DOCK3: variants seen among roughly 807,000 people sequenced by gnomAD.
DOCK3 encodes dedicator of cytokinesis protein 3.
A neutral mutation model predicts 265.6 loss-of-function variants in DOCK3; 60 were observed. That is an observed-to-expected ratio of 0.23 (90% CI 0.18 to 0.28). The LOEUF is 0.28. Ranked by LOEUF, DOCK3 falls within the 10% of genes least tolerant of loss-of-function variation. DOCK3 has a pLI of 1.00. For synonymous variants in DOCK3, 881 were observed against 938.0 expected (o/e 0.94, Z 1.11); for missense variants, 1,981 against 2,594.3 (o/e 0.76, Z 5.14).
At chr3:51,306,751 A>G (rs980544158) in intron 27 of DOCK3, among the ~76,000 whole-genome samples, 1 of 152,078 alleles carries the variant, frequency 6.6e-6, no homozygotes, top group Non-Finnish European at 1.5e-5. Flanking sequence ...TATTCGGTGT[A>G]CTTTAAGTAA....
At chr3:50,692,175 C>T (rs2035295476) in intron 1 of DOCK3, among the ~76,000 whole-genome samples, 1 of 152,116 alleles carries the variant, frequency 6.6e-6, no homozygotes, top group African/African-American at 2.4e-5. Flanking sequence ...CCTCGGGGTT[C>T]CAAAACATTG....
intron 5 of DOCK3, among the ~76,000 whole-genome samples, chr3:50,943,514 A>G (rs1575585203): frequency 1.3e-5 from 2 of 152,224 alleles, no homozygotes; most frequent in African/African-American, 4.8e-5. Context: ...TGATTAAGAC[A>G]ATGTACCAAA....
intron 40 of DOCK3, among the ~76,000 whole-genome samples, chr3:51,351,085 CTTAT>C (rs1234639717): frequency 6.6e-6 from 1 of 152,180 alleles, no homozygotes; most frequent in Non-Finnish European, 1.5e-5. Flanking sequence ...TTGTGATTTT[CTTAT>C]TTATTCAGCA....
intron 14 of DOCK3, among the ~76,000 whole-genome samples, chr3:51,222,749 A>G (rs1235340082): frequency 6.6e-6 from 1 of 152,194 alleles, no homozygotes; most frequent in African/African-American, 2.4e-5. Context: ...TTTCTCAGCT[A>G]GATGATCACC....
intron 4 of DOCK3, among the ~76,000 whole-genome samples, chr3:50,925,302 C>G (rs1348641870): frequency 1.3e-5 from 2 of 152,256 alleles, no homozygotes; most frequent in East Asian, 3.9e-4. Context: ...AGATATTATT[C>G]TTGCAAGTAG....
intron 3 of DOCK3, among the ~76,000 whole-genome samples, chr3:50,886,956 GAAA>G (rs1553693943): frequency 6.6e-6 from 1 of 151,962 alleles, no homozygotes; most frequent in Non-Finnish European, 1.5e-5. Flanking sequence ...AAAAGAACTA[GAAA>G]AGCAAGAGCA....
At chr3:51,316,462 T>C (rs1440161305) in intron 32 of DOCK3, among the ~76,000 whole-genome samples, 1 of 152,250 alleles carries the variant, frequency 6.6e-6, no homozygotes, top group African/African-American at 2.4e-5. Context: ...TAAGCTTTCA[T>C]TTTTCTTGAG....
At chr3:51,020,241 C>T (rs938051106) in intron 5 of DOCK3, among the ~76,000 whole-genome samples, 15 of 141,226 alleles carry the variant, frequency 1.1e-4, no homozygotes, top group Non-Finnish European at 1.8e-4. Context: ...AGTTTTTTTT[C>T]ATGTTTGTTG....
chr3:51,376,098 A>G (rs1272388425), intron 51 of DOCK3, among the ~76,000 whole-genome samples: 1 of 152,146 alleles, frequency 6.6e-6, no homozygotes, highest in Non-Finnish European at 1.5e-5. Context: ...ACCTTTATGG[A>G]AACTTGGGCT....
At chr3:51,261,569 C>T (rs2079848540) in intron 23 of DOCK3, among the ~76,000 whole-genome samples, 1 of 152,176 alleles carries the variant, frequency 6.6e-6, no homozygotes, top group Non-Finnish European at 1.5e-5. Flanking sequence ...CAGAACCGTT[C>T]ACTCCCCTGG....
chr3:50,964,276 C>G (rs961296716), intron 5 of DOCK3, among the ~76,000 whole-genome samples: 1 of 152,140 alleles, frequency 6.6e-6, no homozygotes, highest in African/African-American at 2.4e-5. Context: ...TAGAAACACT[C>G]AGCACTTCAA....
In DOCK3 at chr3:51,359,234, G is replaced by C. The variant is rs73837436; in HGVS notation, c.4884+1157G>C. The stretch of plus-strand genomic sequence containing the variant: ...GTGTTCTTGGATGCTGCAGGTTCTG[G>C]TCATCTCCGTCCCTCCAGGCTCCCA... On this transcript the variant is annotated intron_variant, in intron 46 of 52. Coordinates refer to ENST00000266037, the MANE Select transcript of DOCK3 (RefSeq NM_004947.5). This position sits in a 1 kb window ranked among gnomAD's most constrained non-coding sequence, Gnocchi z 4.8. Among the ~76,000 whole-genome samples, 6,990 of 152,300 alleles carry C rather than the reference G, an allele frequency of 0.046. 339 individuals are homozygous for C. The highest frequency in any genetic ancestry group is 0.12 in the African/African-American group (4,834 of 41,550).
chr3:51,379,833 CAG>C (rs2088474185), intron 51 of DOCK3, among the ~76,000 whole-genome samples: 1 of 152,256 alleles, frequency 6.6e-6, no homozygotes, highest in Non-Finnish European at 1.5e-5. Context: ...CACTTCTCAC[CAG>C]ACTGTCTCAT....
chr3:51,080,305 G>C (rs139764328), intron 7 of DOCK3, among the ~76,000 whole-genome samples: 105 of 152,376 alleles, frequency 6.9e-4, no homozygotes, highest in African/African-American at 2.5e-3. Context: ...GGCAGAGGCA[G>C]TAATGTGTTC....
chr3:50,934,634 G>C (rs758822119), intron 5 of DOCK3, among the ~76,000 whole-genome samples: 2 of 152,050 alleles, frequency 1.3e-5, no homozygotes, highest in African/African-American at 4.8e-5. Flanking sequence ...TGAAACCACC[G>C]TGGGGGCCAC....
intron 5 of DOCK3, among the ~76,000 whole-genome samples, chr3:51,020,877 T>C (rs1166089014): frequency 6.6e-6 from 1 of 151,908 alleles, no homozygotes; most frequent in Non-Finnish European, 1.5e-5. Flanking sequence ...TGTAGCCCTG[T>C]AGTATAATTT....
intron 3 of DOCK3, among the ~76,000 whole-genome samples, chr3:50,855,476 G>A (rs2046543972): frequency 6.6e-6 from 1 of 152,078 alleles, no homozygotes; most frequent in African/African-American, 2.4e-5. Context: ...TGCTATTGAA[G>A]TATAGACGTG....
chr3:50,744,673 G>A (rs953216336), intron 1 of DOCK3, among the ~76,000 whole-genome samples: 2 of 152,282 alleles, frequency 1.3e-5, no homozygotes, highest in African/African-American at 4.8e-5. Flanking sequence ...GGGCTCAAGC[G>A]ATCTGCCCGC....
chr3:51,362,809 T>A, intron 49 of DOCK3, 135 bp downstream of exon 49: 1 of 1,322,182 alleles, frequency 7.6e-7, no homozygotes, highest in South Asian at 1.5e-5. Flanking sequence ...CTTTTACCAC[T>A]AAGGACTCGA....
Sources: gnomAD v4.1 joint callset for allele counts (sites outside exome capture counted in the v4.1 genomes callset) on GRCh38, gnomAD v4.1.1 for gene constraint, Gnocchi (gnomAD v3.1) non-coding constraint, MANE v1.5 for transcripts, NCBI Gene and HGNC (gene_info 2026-07-23, HGNC 2026-07-21) for gene names.